Variants in SLCO4C1 observed in about 807,000 individuals in gnomAD.
SLCO4C1 encodes organic anion transporter M1.
A neutral mutation model predicts 72.1 loss-of-function variants in SLCO4C1; 58 were observed. That is an observed-to-expected ratio of 0.80 (90% CI 0.65 to 1.00). The LOEUF (loss-of-function observed/expected upper bound fraction) is 1.00, where lower values mean the gene tolerates loss of function less well. Among genes scored for constraint, SLCO4C1 ranks in the 50% least tolerant of loss-of-function variants. SLCO4C1 has a pLI of 0.00. For synonymous variants in SLCO4C1, 297 were observed against 312.5 expected (o/e 0.95, Z 0.52); for missense variants, 898 against 857.9 (o/e 1.05, Z -0.58).
rs762732846 is a variant in SLCO4C1, at chr5:102,240,775, T to G, written c.1819A>C (p.Asn607His). The G allele has an allele frequency of 3.7e-6, 6 of 1,610,622 alleles. No individual in the cohort carries two copies. The highest frequency in any genetic ancestry group is 1.3e-5 in the African/African-American group (1 of 74,834). ...PITVSILRCVNHRQRSLALGI... is the reference protein window; with the variant it reads ...PITVSILRCVHHRQRSLALGI... ...AAGGCTAGGGACCGTTGTCTGTGAT[T>G]AACACACCTGGAAATATTAAATATA... The change falls in exon 11 of 13, where the codon AAT (asparagine) becomes CAT (histidine). Residue 607 changes from asparagine (N) to histidine (H), a missense_variant. Asn to His is a moderately conservative substitution (Grantham distance 68). Transcript: ENST00000310954.
rs1411021147 is a variant in SLCO4C1, at chr5:102,270,608, T to C, written c.802+16A>G. 7 of 1,588,926 alleles carry C rather than the reference T, an allele frequency of 4.4e-6. No individual in the cohort carries two copies. The highest frequency in any genetic ancestry group is 6.0e-6 in the Non-Finnish European group (7 of 1,168,634). On this transcript the variant is annotated intron_variant, in intron 3 of 12. Coordinates refer to ENST00000310954, the MANE Select transcript of SLCO4C1 (RefSeq NM_180991.5). ...AAGATAAAGTGATACTGAGACAGTT[T>C]AGAGAGTAAACTTACCTATATAGAG...
chr5:102,275,548 T>C (rs537551365), intron 2 of SLCO4C1, among the ~76,000 whole-genome samples: 2 of 152,190 alleles, frequency 1.3e-5, no homozygotes, highest in Non-Finnish European at 2.9e-5. Context: ...CACCAGGACA[T>C]AGTTTAGAGT....
chr5:102,295,822 C>G (rs3114660), intron 1 of SLCO4C1, 86 bp downstream of exon 1: 572,001 of 1,358,182 alleles, frequency 0.42, 125,187 homozygotes, highest in African/African-American at 0.68. Context: ...CCACGGACCC[C>G]GCGCACCTGC....
In SLCO4C1 at chr5:102,240,752, G is replaced by A. The variant is rs1230638189; in HGVS notation, c.1842C>T (p.Ala614=). Residue 614 remains alanine, a synonymous_variant, in exon 11 of 13, where the codon GCC becomes GCT. Coordinates refer to ENST00000310954, the MANE Select transcript of SLCO4C1 (RefSeq NM_180991.5). ...GAAGGACCATAAATTGTATTCCCAA[G>A]GCTAGGGACCGTTGTCTGTGATTAA... The part of the protein sequence containing the change: ...RCVNHRQRSL[A]LGIQFMVLRL... 6.2e-7 allele frequency: 1 copy of A among 1,611,802 alleles called. No homozygotes were observed.
intron 9 of SLCO4C1, among the ~76,000 whole-genome samples, chr5:102,248,935 A>T (rs1748684917): frequency 6.6e-6 from 1 of 152,208 alleles, no homozygotes; most frequent in Admixed American, 6.5e-5. Context: ...AAGAAATAAC[A>T]TCTAGGCACA....
chr5:102,263,927 T>A, intron 3 of SLCO4C1, 147 bp from the exon 4 acceptor site: 2 of 606,730 alleles, frequency 3.3e-6, no homozygotes, highest in Non-Finnish European at 5.7e-6. Flanking sequence ...ACAATACCAT[T>A]TGAATTGATA....
chr5:102,294,884 C>A (rs1749619842), intron 1 of SLCO4C1, among the ~76,000 whole-genome samples: 2 of 152,122 alleles, frequency 1.3e-5, no homozygotes, highest in Non-Finnish European at 2.9e-5. Flanking sequence ...TGTTTCCAAC[C>A]CTCTAAAATC....
At chr5:102,257,852 A>G in intron 7 of SLCO4C1, 91 bp downstream of exon 7, 1 of 1,203,138 alleles carries the variant, frequency 8.3e-7, no homozygotes, top group South Asian at 1.5e-5. Context: ...TTTAAATTTC[A>G]AGGAGGGCTA....
intron 2 of SLCO4C1, among the ~76,000 whole-genome samples, 172 bp from the exon 3 acceptor site, chr5:102,270,978 C>G (rs567560279): frequency 6.6e-6 from 1 of 152,160 alleles, no homozygotes; most frequent in African/African-American, 2.4e-5. Flanking sequence ...CTTTCTTACC[C>G]CAGCCTGCCC....
At chr5:102,273,710 T>G (rs887026815) in intron 2 of SLCO4C1, among the ~76,000 whole-genome samples, 3 of 152,182 alleles carry the variant, frequency 2.0e-5, no homozygotes, top group Non-Finnish European at 4.4e-5. Context: ...AAAGGGTACA[T>G]TTTAGCCTAT....
At position 102,236,847 on chromosome 5, in the gene SLCO4C1, CT is replaced by C. The variant is rs1463910921; in HGVS notation, c.*10del. The C allele has an allele frequency of 1.3e-5, 21 of 1,609,748 alleles. No homozygotes were observed. Among genetic ancestry groups the C allele is most frequent in the Non-Finnish European group, 1.8e-5 (21 of 1,178,914 alleles). ...TTTTCCAGGTGTAAAACAGTCTTCT[CT>C]TTTCCCATTTCACCCTTCTTTTACT... On this transcript the variant is annotated 3_prime_UTR_variant, in exon 13 of 13. Coordinates refer to ENST00000310954, the MANE Select transcript of SLCO4C1 (RefSeq NM_180991.5).
intron 10 of SLCO4C1, among the ~76,000 whole-genome samples, chr5:102,244,431 T>C (rs2112338934): frequency 6.6e-6 from 1 of 152,176 alleles, no homozygotes; most frequent in African/African-American, 2.4e-5. Flanking sequence ...GAGTTATTGG[T>C]CATAAAGAAG....
At chr5:102,241,074 A>C (rs999805661) in intron 10 of SLCO4C1, among the ~76,000 whole-genome samples, 4 of 152,118 alleles carry the variant, frequency 2.6e-5, no homozygotes, top group African/African-American at 9.7e-5. Flanking sequence ...ATTTTCCATA[A>C]AAGTCATCAA....
intron 2 of SLCO4C1, among the ~76,000 whole-genome samples, chr5:102,274,081 T>C (rs922178609): frequency 6.6e-6 from 1 of 152,118 alleles, no homozygotes; most frequent in African/African-American, 2.4e-5. Context: ...ATTTGTAATC[T>C]AGAGATGATT....
chr5:102,265,753 G>T (rs114389416), intron 3 of SLCO4C1, among the ~76,000 whole-genome samples: 1 of 151,912 alleles, frequency 6.6e-6, no homozygotes, highest in South Asian at 2.1e-4. Context: ...TGATGCTTTC[G>T]GTTTTGTTCT....
At chr5:102,282,930 T>C (rs1450649367) in intron 2 of SLCO4C1, among the ~76,000 whole-genome samples, 1 of 152,044 alleles carries the variant, frequency 6.6e-6, no homozygotes, top group African/African-American at 2.4e-5. Context: ...TCCTATTTTC[T>C]GAACATTTTA....
chr5:102,273,545 T>G (rs1169578686), intron 2 of SLCO4C1, among the ~76,000 whole-genome samples: 2 of 152,162 alleles, frequency 1.3e-5, no homozygotes, highest in African/African-American at 4.8e-5. Context: ...AGTAAAGGGA[T>G]GCCAAAAAAG....
chr5:102,257,618 CTT>C (rs34481556), intron 7 of SLCO4C1, among the ~76,000 whole-genome samples: 55,968 of 143,082 alleles, frequency 0.39, 10,930 homozygotes, highest in East Asian at 0.56. Context: ...GTTTAAGTGT[CTT>C]TTTTTTTTTT....
chr5:102,291,808 T>A (rs841927), intron 1 of SLCO4C1, among the ~76,000 whole-genome samples: 1 of 151,620 alleles, frequency 6.6e-6, no homozygotes, highest in Admixed American at 6.6e-5. Context: ...TTTATTTATT[T>A]TTTATTTTTA....
Sources: allele counts gnomAD v4.1 joint callset (sites outside exome capture counted in the v4.1 genomes callset), GRCh38; gene constraint gnomAD v4.1.1; transcripts MANE v1.5; gene names NCBI Gene and HGNC (gene_info 2026-07-23, HGNC 2026-07-21).